Variants in ERG observed in about 807,000 individuals in gnomAD.
ERG encodes ETS transcription factor ERG.
ERG carries 9 observed loss-of-function variants against 55.3 expected under a neutral mutation model. The ratio of observed to expected loss-of-function variants is 0.16; its 90% CI spans 0.10 to 0.28. The LOEUF is 0.28. Ranked by LOEUF, ERG falls within the 10% of genes least tolerant of loss-of-function variation. The pLI is 1.00. For synonymous variants in ERG, 223 were observed against 237.3 expected, an observed-to-expected ratio of 0.94 and a Z score of 0.55; for missense variants, 434 against 631.6, an observed-to-expected ratio of 0.69 and a Z score of 3.35.
At chr21:38,455,810 C>T (rs55859251) in intron 1 of ERG, among the ~76,000 whole-genome samples, 18,219 of 139,196 alleles carry the variant, frequency 0.13, 1,175 homozygotes, top group South Asian at 0.22. Flanking sequence ...TCCCATAAGA[C>T]GGGGGTGAGG....
chr21:38,656,494 C>T (rs534579440), intron 1 of ERG, among the ~76,000 whole-genome samples: 3 of 152,184 alleles, frequency 2.0e-5, no homozygotes, highest in African/African-American at 7.2e-5. Flanking sequence ...GCTAATATTT[C>T]CTTAAGATAG....
At chr21:38,561,349 A>G (rs2059891647) in intron 2 of ERG, among the ~76,000 whole-genome samples, 1 of 152,110 alleles carries the variant, frequency 6.6e-6, no homozygotes, top group Admixed American at 6.5e-5. Flanking sequence ...TGTGCCCTGA[A>G]GGTGAAATTG....
intron 9 of ERG, among the ~76,000 whole-genome samples, chr21:38,390,370 G>A (rs1987916239): frequency 1.3e-5 from 2 of 152,186 alleles, no homozygotes; most frequent in South Asian, 4.1e-4. Flanking sequence ...CTTGTATAAT[G>A]GGTTGAATTG....
chr21:38,391,845 C>T (rs1404084551), intron 7 of ERG, 130 bp from the exon 8 acceptor site: 12 of 655,376 alleles, frequency 1.8e-5, no homozygotes, highest in South Asian at 5.4e-5. Flanking sequence ...AAGCATCTCA[C>T]GGTAAGGAAA....
intron 6 of ERG, among the ~76,000 whole-genome samples, chr21:38,394,033 C>A (rs1369950583): frequency 6.6e-6 from 1 of 152,186 alleles, no homozygotes; most frequent in Non-Finnish European, 1.5e-5. Context: ...CACATGGGTT[C>A]TCAGTCAGTT....
intron 2 of ERG, among the ~76,000 whole-genome samples, chr21:38,521,598 A>G (rs1447032932): frequency 6.6e-6 from 1 of 152,232 alleles, no homozygotes; most frequent in African/African-American, 2.4e-5. Context: ...CAGGTGAATA[A>G]AATGAGAGAG....
chr21:38,374,224 T>C, the ERG span, among the ~76,000 whole-genome samples: 1 of 152,220 alleles, frequency 6.6e-6, no homozygotes, highest in South Asian at 2.1e-4. Context: ...CCTGACCCAA[T>C]GACAGATGAA....
At chr21:38,556,940 C>A (rs1328858571) in intron 2 of ERG, among the ~76,000 whole-genome samples, 1 of 152,170 alleles carries the variant, frequency 6.6e-6, no homozygotes, top group African/African-American at 2.4e-5. Context: ...ATCTGCCCAG[C>A]ACCCTCAGCA....
At chr21:38,640,925 A>C (rs1432349950) in intron 1 of ERG, among the ~76,000 whole-genome samples, 1 of 152,234 alleles carries the variant, frequency 6.6e-6, no homozygotes, top group Non-Finnish European at 1.5e-5. Context: ...GCGCAGAAAT[A>C]CTATTTGACT....
rs557793991 is a variant in ERG, at chr21:38,641,521, T to C, written c.-150+20137A>G. ...TTGCATCTGCCCCTTCCCACCACAG[T>C]CTCACTAAAGCAACCGGAAAGAGGC... On this transcript the variant is annotated intron_variant, in intron 1 of 10. Coordinates refer to the ERG transcript ENST00000398910. 2.0e-5 allele frequency among the ~76,000 whole-genome samples: 3 copies of C among 152,264 alleles called. No homozygotes were observed. The East Asian group carries it at 5.8e-4, about 29-fold the overall frequency.
chr21:38,400,671 T>C (rs1201635118), intron 5 of ERG, 26 bp from the exon 6 acceptor site: 6 of 1,556,658 alleles, frequency 3.9e-6, no homozygotes, highest in Non-Finnish European at 5.3e-6. Flanking sequence ...AAGACAAACA[T>C]GTGAAGGTCT....
At chr21:38,573,358 T>A (rs893094115) in intron 2 of ERG, among the ~76,000 whole-genome samples, 4 of 152,198 alleles carry the variant, frequency 2.6e-5, no homozygotes, top group Admixed American at 6.5e-5. Flanking sequence ...GCAGTTGAGA[T>A]AGAGGAAGGC....
intron 2 of ERG, among the ~76,000 whole-genome samples, chr21:38,563,868 A>G (rs988453591): frequency 2.0e-5 from 3 of 152,228 alleles, no homozygotes; most frequent in Admixed American, 1.3e-4. Flanking sequence ...ATCCGAGGAC[A>G]GAGAGGCAAA....
intron 1 of ERG, among the ~76,000 whole-genome samples, chr21:38,598,161 A>G (rs2060143192): frequency 6.6e-6 from 1 of 152,152 alleles, no homozygotes; most frequent in Admixed American, 6.5e-5. Flanking sequence ...GCTTCCCTCT[A>G]AAAACCACCC....
intron 1 of ERG, among the ~76,000 whole-genome samples, chr21:38,644,225 G>T (rs1235243872): frequency 2.0e-5 from 3 of 152,182 alleles, no homozygotes; most frequent in Admixed American, 6.5e-5. Flanking sequence ...CCATTTAGTA[G>T]CATGACATTC....
At chr21:38,414,952 A>G (rs1428251298) in intron 3 of ERG, among the ~76,000 whole-genome samples, 2 of 152,364 alleles carry the variant, frequency 1.3e-5, no homozygotes, top group Non-Finnish European at 2.9e-5. Context: ...TGTAAAAATT[A>G]GCCCTGGGCA....
At chr21:38,393,281 C>G (rs1161740193) in intron 6 of ERG, among the ~76,000 whole-genome samples, 2 of 152,168 alleles carry the variant, frequency 1.3e-5, no homozygotes, top group Non-Finnish European at 2.9e-5. Context: ...AGTGTGAGTT[C>G]TATTAATGAT....
intron 2 of ERG, among the ~76,000 whole-genome samples, chr21:38,541,839 T>G (rs1041072529): frequency 1.3e-5 from 2 of 152,138 alleles, no homozygotes; most frequent in African/African-American, 4.8e-5. Flanking sequence ...GGTTGATAGG[T>G]GCAGGGAACC....
At chr21:38,374,370 T>G in the ERG span, among the ~76,000 whole-genome samples, 1 of 152,282 alleles carries the variant, frequency 6.6e-6, no homozygotes, top group Non-Finnish European at 1.5e-5. Flanking sequence ...TAAAGATTAA[T>G]TGACAAAGGC....
Sources: gnomAD v4.1 joint callset for allele counts (sites outside exome capture counted in the v4.1 genomes callset) on GRCh38, gnomAD v4.1.1 for gene constraint, MANE v1.5 for transcripts, NCBI Gene and HGNC (gene_info 2026-07-23, HGNC 2026-07-21) for gene names.